NXPH1: variants seen among roughly 807,000 people sequenced by gnomAD.
NXPH1 encodes the protein neurexophilin-1.
NXPH1 carries 5 observed loss-of-function variants against 23.7 expected under a neutral mutation model. That is an observed-to-expected ratio of 0.21 (90% CI 0.11 to 0.44). The LOEUF is 0.44. NXPH1 is among the 20% of genes least tolerant of loss of function. NXPH1 has a pLI of 0.99. For missense variants in NXPH1, 324 were observed against 321.6 expected, an observed-to-expected ratio of 1.01 and a Z score of -0.06; for synonymous variants, 144 against 122.2, an observed-to-expected ratio of 1.18 and a Z score of -1.18.
intron 2 of NXPH1, among the ~76,000 whole-genome samples, chr7:8,473,920 C>T (rs1301266051): frequency 1.3e-5 from 2 of 152,066 alleles, no homozygotes; most frequent in African/African-American, 4.8e-5. Flanking sequence ...TTTCATTTTC[C>T]ACTTGAACTG....
intron 2 of NXPH1, among the ~76,000 whole-genome samples, chr7:8,597,756 TG>T (rs1434846794): frequency 6.6e-6 from 1 of 151,748 alleles, no homozygotes; most frequent in African/African-American, 2.4e-5. Context: ...CCTTTCTACT[TG>T]GCAACATGCC....
At chr7:8,552,341 A>T (rs1818292387) in intron 2 of NXPH1, among the ~76,000 whole-genome samples, 1 of 151,332 alleles carries the variant, frequency 6.6e-6, no homozygotes, top group Admixed American at 6.6e-5. Flanking sequence ...TCTATGTAGC[A>T]CTTTGTTTGA....
At position 8,436,272 on chromosome 7, in the gene NXPH1, C is replaced by T. The variant is rs1393965425; in HGVS notation, c.54+505C>T. ...AACTTTCTTTGACTTGTAAGGGTTC[C>T]GACAGGATAAGTTTAACTATCAGGG... On this transcript the variant is annotated intron_variant, in intron 2 of 2. Transcript: ENST00000405863. Among the ~76,000 whole-genome samples, 68 of 152,100 alleles carry T rather than the reference C, an allele frequency of 4.5e-4. 1 individual carries two copies. Among genetic ancestry groups the T allele is most frequent in the Admixed American group, 4.5e-3 (68 of 15,274 alleles).
At chr7:8,660,038 C>T (rs1820647827) in intron 2 of NXPH1, among the ~76,000 whole-genome samples, 1 of 152,188 alleles carries the variant, frequency 6.6e-6, no homozygotes, top group South Asian at 2.1e-4. Context: ...GAGAAAAACC[C>T]AGTGTGACTT....
chr7:8,704,382 C>T (rs1328358715), intron 2 of NXPH1, among the ~76,000 whole-genome samples: 1 of 151,978 alleles, frequency 6.6e-6, no homozygotes, highest in East Asian at 1.9e-4. Context: ...CCATCACCAC[C>T]ACACGAGACA....
chr7:8,667,927 G>A (rs956896302), intron 2 of NXPH1, among the ~76,000 whole-genome samples: 7 of 151,000 alleles, frequency 4.6e-5, no homozygotes, highest in East Asian at 1.9e-4. Flanking sequence ...AACTGTTTTC[G>A]AGTTCACAGA....
intron 2 of NXPH1, among the ~76,000 whole-genome samples, chr7:8,614,132 T>C (rs1302756355): frequency 5.3e-5 from 8 of 151,910 alleles, no homozygotes; most frequent in Admixed American, 3.9e-4. Flanking sequence ...AATTATTGCA[T>C]AGTATTTCCG....
At chr7:8,450,500 G>T (rs1417481668) in intron 2 of NXPH1, among the ~76,000 whole-genome samples, 1 of 152,190 alleles carries the variant, frequency 6.6e-6, no homozygotes, top group South Asian at 2.1e-4. Flanking sequence ...ATATTTTATA[G>T]AATTATTCAG....
At chr7:8,498,795 G>T (rs960269901) in intron 2 of NXPH1, among the ~76,000 whole-genome samples, 3 of 152,006 alleles carry the variant, frequency 2.0e-5, no homozygotes, top group Non-Finnish European at 4.4e-5. Flanking sequence ...GTTGTTCTAA[G>T]AGCTTAGTAA....
chr7:8,567,311 G>T (rs948792004), intron 2 of NXPH1, among the ~76,000 whole-genome samples: 2 of 151,848 alleles, frequency 1.3e-5, no homozygotes, highest in East Asian at 3.9e-4. Flanking sequence ...ATTTGCCTTT[G>T]GTTCATGTTT....
At chr7:8,489,125 G>A (rs1189563617) in intron 2 of NXPH1, among the ~76,000 whole-genome samples, 2 of 152,070 alleles carry the variant, frequency 1.3e-5, no homozygotes, top group Non-Finnish European at 1.5e-5. Flanking sequence ...GTGATTGGCT[G>A]TTTCGTTGTC....
At chr7:8,612,724 C>A (rs976411788) in intron 2 of NXPH1, among the ~76,000 whole-genome samples, 1 of 152,042 alleles carries the variant, frequency 6.6e-6, no homozygotes, top group Non-Finnish European at 1.5e-5. Context: ...CTGTCTCATT[C>A]ATTCATTATA....
At chr7:8,639,662 C>T (rs1302160509) in intron 2 of NXPH1, among the ~76,000 whole-genome samples, 1 of 152,142 alleles carries the variant, frequency 6.6e-6, no homozygotes, top group Non-Finnish European at 1.5e-5. Flanking sequence ...TTGTATCTCC[C>T]AGAATTCCCA....
At chr7:8,730,141 T>C (rs1780124691) in intron 2 of NXPH1, among the ~76,000 whole-genome samples, 2 of 149,778 alleles carry the variant, frequency 1.3e-5, no homozygotes, top group Admixed American at 6.6e-5. Flanking sequence ...AAGTCTGTTT[T>C]ATCAGAGACT....
chr7:8,544,312 C>G (rs889845475), intron 2 of NXPH1, among the ~76,000 whole-genome samples: 2 of 151,540 alleles, frequency 1.3e-5, no homozygotes, highest in African/African-American at 4.8e-5. Flanking sequence ...GATCCCTGAC[C>G]TCTAATCCCT....
chr7:8,721,776 C>CA (rs35769697), intron 2 of NXPH1, among the ~76,000 whole-genome samples: 271 of 152,134 alleles, frequency 1.8e-3, no homozygotes, highest in Non-Finnish European at 2.6e-3. Flanking sequence ...GACTCTGTCT[C>CA]AAAAAAGGCA....
chr7:8,435,645 T>TGGA lies in NXPH1; in HGVS notation c.-68_-66dup. 7.1e-7 allele frequency: 1 copy of TGGA among 1,416,812 alleles called. No homozygotes were observed. Among genetic ancestry groups the TGGA allele is most frequent in the Non-Finnish European group, 1.0e-6 (1 of 1,000,250 alleles). The allele number at this position is 1,416,812 out of a possible 1,614,324, so 87.8% of individuals were successfully genotyped here. ...CTTGCTCTGTAAAGTGGATGTCAGG[T>TGGA]GGATCTATGTTTCTGAAGGAACAAA... On this transcript the variant is annotated 5_prime_UTR_variant, in exon 2 of 3. Coordinates refer to ENST00000405863, the MANE Select transcript of NXPH1 (RefSeq NM_152745.3). The surrounding 1 kb of genome is among the most constrained non-coding windows in gnomAD (Gnocchi z 5.9).
At chr7:8,494,990 A>AT (rs1817311743) in intron 2 of NXPH1, among the ~76,000 whole-genome samples, 1 of 152,048 alleles carries the variant, frequency 6.6e-6, no homozygotes, top group Admixed American at 6.6e-5. Flanking sequence ...GATAATATAG[A>AT]TTTTTGTGAG....
chr7:8,459,892 G>A (rs1584169106), intron 2 of NXPH1, among the ~76,000 whole-genome samples: 2 of 152,238 alleles, frequency 1.3e-5, no homozygotes, highest in East Asian at 1.9e-4. Context: ...AAGATCCCTT[G>A]AAAATAAAAG....
Sources: gnomAD v4.1 joint callset for allele counts (sites outside exome capture counted in the v4.1 genomes callset) on GRCh38, gnomAD v4.1.1 for gene constraint, Gnocchi (gnomAD v3.1) non-coding constraint, MANE v1.5 for transcripts, NCBI Gene and HGNC (gene_info 2026-07-23, HGNC 2026-07-21) for gene names.